The following PCDH17 variants were observed in gnomAD, a reference collection of about 807,000 sequenced individuals.
PCDH17 encodes protocadherin-17.
A neutral mutation model predicts 67.7 loss-of-function variants in PCDH17; 21 were observed. The ratio of observed to expected loss-of-function variants is 0.31; its 90% CI spans 0.22 to 0.45. The LOEUF is 0.45. PCDH17 is among the 20% of genes least tolerant of loss of function. The pLI, the probability that PCDH17 is intolerant of heterozygous loss-of-function variation, is 1.00. For synonymous variants in PCDH17, 701 were observed against 656.7 expected, an observed-to-expected ratio of 1.07 and a Z score of -1.03; for missense variants, 1,471 against 1,564.8, an observed-to-expected ratio of 0.94 and a Z score of 1.01.
Position 57,666,845 on chromosome 13 carries a change from C to T in PCDH17, c.2797+12C>T, listed in dbSNP as rs1202004769. Reference sequence around the variant, plus strand: ...ACCACTTGAACAAGGTGAGTGAAGTCTTCCAATGCTTACAAAGTGTAAAGC... The same window carrying T: ...ACCACTTGAACAAGGTGAGTGAAGTTTTCCAATGCTTACAAAGTGTAAAGC... On this transcript the variant is annotated intron_variant, in intron 3 of 3. Coordinates refer to ENST00000377918, the MANE Select transcript of PCDH17 (RefSeq NM_001040429.3). 2 of 1,588,918 alleles carry T rather than the reference C, an allele frequency of 1.3e-6. No individual in the cohort carries two copies. Among genetic ancestry groups the T allele is most frequent in the East Asian group, 2.2e-5 (1 of 44,548 alleles).
At chr13:57,643,817 T>C (rs1954933090) in intron 1 of PCDH17, among the ~76,000 whole-genome samples, 1 of 151,602 alleles carries the variant, frequency 6.6e-6, no homozygotes, top group South Asian at 2.1e-4. Context: ...TATTAATGAA[T>C]TTTTTTATTT....
At chr13:57,694,531 A>G (rs1327677584) in intron 3 of PCDH17, among the ~76,000 whole-genome samples, 2 of 151,348 alleles carry the variant, frequency 1.3e-5, no homozygotes, top group South Asian at 4.1e-4. Context: ...CAGAAGATAA[A>G]AGGAAATTTG....
upstream of PCDH17, among the ~76,000 whole-genome samples, chr13:57,631,415 C>T (rs1020241415): frequency 2.6e-5 from 4 of 152,132 alleles, no homozygotes; most frequent in Admixed American, 6.5e-5. Flanking sequence ...TAAATGTGCA[C>T]GTCCAACCAT....
At chr13:57,648,602 G>T (rs1327304565) in intron 1 of PCDH17, among the ~76,000 whole-genome samples, 2 of 151,908 alleles carry the variant, frequency 1.3e-5, no homozygotes, top group African/African-American at 4.8e-5. Context: ...AGTTAATCTT[G>T]GATCTGCTTA....
intron 1 of PCDH17, among the ~76,000 whole-genome samples, chr13:57,658,012 C>T (rs902844714): frequency 1.3e-4 from 20 of 151,984 alleles, no homozygotes; most frequent in Non-Finnish European, 1.3e-4. Flanking sequence ...AAAATGTCTT[C>T]GTCTTTATAT....
intron 3 of PCDH17, among the ~76,000 whole-genome samples, chr13:57,691,306 A>T (rs1333395494): frequency 1.3e-5 from 2 of 151,440 alleles, no homozygotes; most frequent in Non-Finnish European, 3.0e-5. Context: ...TAGGATGATC[A>T]TATAATTTAT....
chr13:57,649,657 C>T (rs1173097705), intron 1 of PCDH17, among the ~76,000 whole-genome samples: 1 of 152,120 alleles, frequency 6.6e-6, no homozygotes, highest in South Asian at 2.1e-4. Flanking sequence ...AATAATATGT[C>T]ATGATTTTCA....
At chr13:57,641,583 A>ATATATATAT (rs1954901799) in intron 1 of PCDH17, among the ~76,000 whole-genome samples, 1 of 60,182 alleles carries the variant, frequency 1.7e-5, no homozygotes, top group Non-Finnish European at 3.1e-5. Flanking sequence ...AAAAAAAAAA[A>ATATATATAT]AAAAATATAT....
At chr13:57,687,753 G>A (rs2138057219) in intron 3 of PCDH17, among the ~76,000 whole-genome samples, 1 of 152,124 alleles carries the variant, frequency 6.6e-6, no homozygotes, top group East Asian at 1.9e-4. Flanking sequence ...AAGGAATAAT[G>A]AAAGTTTTGT....
At chr13:57,717,612 G>A (rs1250276218) in intron 3 of PCDH17, among the ~76,000 whole-genome samples, 2 of 151,972 alleles carry the variant, frequency 1.3e-5, no homozygotes, top group Non-Finnish European at 2.9e-5. Context: ...GTGATTTCTG[G>A]TGTCTGAATG....
chr13:57,720,239 C>A lies in PCDH17; in HGVS notation c.2798-4373C>A, dbSNP rs143346496. Among the ~76,000 whole-genome samples, 686 of 151,952 alleles carry A rather than the reference C, an allele frequency of 4.5e-3. 4 individuals carry two copies. The highest frequency in any genetic ancestry group is 0.013 in the African/African-American group (547 of 41,510). On this transcript the variant is annotated intron_variant, in intron 3 of 3. Coordinates refer to ENST00000377918, the MANE Select transcript of PCDH17 (RefSeq NM_001040429.3). ...AGAGAGAGCTTTCAGATATTATCAG[C>A]CAATATGAATATGCAGATTTCGGGT... is the stretch of plus-strand genomic sequence containing the variant.
In PCDH17 at chr13:57,725,299, A is replaced by AT; in HGVS notation, c.*5_*6insT. 1 of 1,534,460 alleles carries AT rather than the reference A, an allele frequency of 6.5e-7. No homozygotes were observed. Among genetic ancestry groups the AT allele is most frequent in the Non-Finnish European group, 8.7e-7 (1 of 1,150,486 alleles). ...CCTGTGGCTGTGAGAAAGTGAAAAA[A>AT]GAAAAAAAAAAAGGCATTGGCATTT... On this transcript the variant is annotated 3_prime_UTR_variant, in exon 4 of 4. Transcript: ENST00000377918.
chr13:57,664,546 C>G (rs1041376143), intron 1 of PCDH17, among the ~76,000 whole-genome samples: 1 of 152,162 alleles, frequency 6.6e-6, no homozygotes, highest in Admixed American at 6.5e-5. Context: ...GGATCCACAT[C>G]CTATGAGGCT....
intron 1 of PCDH17, among the ~76,000 whole-genome samples, chr13:57,660,964 G>A (rs1467674343): frequency 1.3e-5 from 2 of 152,072 alleles, no homozygotes; most frequent in Non-Finnish European, 2.9e-5. Context: ...ATTCCAGTTT[G>A]GGGCAAACAT....
At chr13:57,636,660 G>T (rs1317334880) in intron 1 of PCDH17, among the ~76,000 whole-genome samples, 1 of 151,972 alleles carries the variant, frequency 6.6e-6, no homozygotes, top group East Asian at 1.9e-4. Flanking sequence ...AAAAAATGTG[G>T]TTTCTATGAA....
chr13:57,710,131 A>G (rs181387463), intron 3 of PCDH17, among the ~76,000 whole-genome samples: 2 of 152,040 alleles, frequency 1.3e-5, no homozygotes, highest in Admixed American at 1.3e-4. Flanking sequence ...TGGGCTGTAC[A>G]GGAAAGAAAA....
rs924214309 is a variant in PCDH17 at position 57,633,395 on chromosome 13, C to T, written c.849C>T (p.Ser283=). 1 of 1,613,240 alleles carries T rather than the reference C, an allele frequency of 6.2e-7. No individual in the cohort carries two copies. The highest frequency in any genetic ancestry group is 1.3e-5 in the African/African-American group (1 of 74,932). The change falls in exon 1 of 4, where the codon AGC becomes AGT. Residue 283 remains serine (S), a synonymous_variant. Coordinates refer to ENST00000377918, the MANE Select transcript of PCDH17 (RefSeq NM_001040429.3). This position sits in a 1 kb window ranked among gnomAD's most constrained non-coding sequence, Gnocchi z 6.2. Reference sequence around the variant, plus strand: ...ATGGTGAAGTGCTCTACTCTTTCAGCAGCTACGTGCCTGACCGCGTGCGGG... The same window carrying T: ...ATGGTGAAGTGCTCTACTCTTTCAGTAGCTACGTGCCTGACCGCGTGCGGG... ...GPNGEVLYSF[S]SYVPDRVREL... is the part of the protein sequence containing the mutation.
At chr13:57,705,884 G>A (rs956055043) in intron 3 of PCDH17, among the ~76,000 whole-genome samples, 5 of 151,710 alleles carry the variant, frequency 3.3e-5, no homozygotes, top group African/African-American at 7.3e-5. Context: ...GTGTGGTGGC[G>A]CATGCCTGTA....
intron 3 of PCDH17, among the ~76,000 whole-genome samples, chr13:57,699,058 C>T (rs958850030): frequency 4.0e-5 from 6 of 151,282 alleles, no homozygotes; most frequent in African/African-American, 1.5e-4. Flanking sequence ...GAGATAACGG[C>T]AGTTTTATTA....
Sources: allele counts gnomAD v4.1 joint callset (sites outside exome capture counted in the v4.1 genomes callset), GRCh38; gene constraint gnomAD v4.1.1; non-coding constraint Gnocchi (gnomAD v3.1); transcripts MANE v1.5; gene names NCBI Gene and HGNC (gene_info 2026-07-23, HGNC 2026-07-21).